Variants in SETBP1 observed in about 807,000 individuals in gnomAD.
SETBP1 encodes the protein SET-binding protein.
A neutral mutation model predicts 101.0 loss-of-function variants in SETBP1; 9 were observed. That is an observed-to-expected ratio of 0.09 (90% CI 0.05 to 0.16). SETBP1 has a LOEUF of 0.16. Ranked by LOEUF, SETBP1 falls within the 10% of genes least tolerant of loss-of-function variation. SETBP1 has a pLI of 1.00. For missense variants in SETBP1, 1,858 were observed against 2,033.8 expected, an observed-to-expected ratio of 0.91 and a Z score of 1.66; for synonymous variants, 818 against 788.5, an observed-to-expected ratio of 1.04 and a Z score of -0.63.
intron 2 of SETBP1, among the ~76,000 whole-genome samples, chr18:44,777,918 G>A (rs1021445067): frequency 2.6e-5 from 4 of 152,210 alleles, no homozygotes; most frequent in African/African-American, 9.6e-5. Flanking sequence ...GCAGAGACGG[G>A]GAGCCGCCTT....
intron 4 of SETBP1, among the ~76,000 whole-genome samples, chr18:44,967,086 C>G (rs1242228988): frequency 2.0e-5 from 3 of 152,204 alleles, no homozygotes; most frequent in Non-Finnish European, 4.4e-5. Context: ...CAATTACACT[C>G]TTACTGGGAT....
chr18:44,902,187 A>G (rs2070063492), intron 3 of SETBP1, among the ~76,000 whole-genome samples: 1 of 151,868 alleles, frequency 6.6e-6, no homozygotes, highest in Non-Finnish European at 1.5e-5. Context: ...TTTGAACAGC[A>G]CTGCCCTAGA....
chr18:44,754,935 T>G (rs17783663), intron 2 of SETBP1, among the ~76,000 whole-genome samples: 31,554 of 152,158 alleles, frequency 0.21, 3,416 homozygotes, highest in Non-Finnish European at 0.24. Flanking sequence ...TGGGAGAGAA[T>G]AATCAATAGG....
rs979037926 is a variant in SETBP1, at chr18:45,063,776, T to TC, written c.*83dup. 2.0e-6 allele frequency: 3 copies of TC among 1,468,062 alleles called. No individual in the cohort carries two copies. The highest frequency in any genetic ancestry group is 2.8e-6 in the Non-Finnish European group (3 of 1,083,050). 90.9% of individuals were successfully genotyped at this position (1,468,062 alleles called of 1,614,324 possible). On this transcript the variant is annotated 3_prime_UTR_variant, in exon 6 of 6. Transcript: ENST00000649279. ...GCAGTGAGCCGGGGCGGGGGCGGAATCCCCCGCTGCAGGGACACCCACGCC... is the reference window on the plus strand; with the variant it reads ...GCAGTGAGCCGGGGCGGGGGCGGAATCCCCCCGCTGCAGGGACACCCACGCC...
rs1568097077 is a variant in SETBP1, at chr18:44,701,299, T to TTTTCCCC, written c.-45_-39dup. 1 of 1,450,568 alleles carries TTTTCCCC rather than the reference T, an allele frequency of 6.9e-7. No individual in the cohort carries two copies. The highest frequency in any genetic ancestry group is 9.1e-7 in the Non-Finnish European group (1 of 1,099,102). 89.9% of individuals were successfully genotyped at this position (1,450,568 alleles called of 1,614,324 possible). On this transcript the variant is annotated 5_prime_UTR_variant, in exon 2 of 6. Coordinates refer to ENST00000649279, the MANE Select transcript of SETBP1 (RefSeq NM_015559.3). Reference sequence around the variant, plus strand: ...TCTTTTCTCACCTTTCCCTTTTCCCTTTTCCCCTTCCCCCTCCTGAGAACT... The same window carrying TTTTCCCC: ...TCTTTTCTCACCTTTCCCTTTTCCCTTTTCCCCTTTCCCCTTCCCCCTCCTGAGAACT...
At chr18:44,830,940 A>G (rs1464623529) in intron 2 of SETBP1, among the ~76,000 whole-genome samples, 1 of 152,210 alleles carries the variant, frequency 6.6e-6, no homozygotes, top group African/African-American at 2.4e-5. Context: ...GAGGGAGTGG[A>G]TCATTCCACA....
At chr18:45,027,652 A>G (rs1474933119) in intron 4 of SETBP1, among the ~76,000 whole-genome samples, 1 of 152,200 alleles carries the variant, frequency 6.6e-6, no homozygotes, top group African/African-American at 2.4e-5. Flanking sequence ...GTGTAGTGCT[A>G]AGAAGTAATC....
intron 3 of SETBP1, among the ~76,000 whole-genome samples, chr18:44,904,791 T>A (rs1380707104): frequency 6.6e-6 from 1 of 152,172 alleles, no homozygotes; most frequent in Admixed American, 6.5e-5. Flanking sequence ...ATCTGCTAGG[T>A]CTTATCTTCT....
At chr18:44,882,089 CA>C (rs1256117404) in intron 3 of SETBP1, among the ~76,000 whole-genome samples, 1 of 151,824 alleles carries the variant, frequency 6.6e-6, no homozygotes, top group Non-Finnish European at 1.5e-5. Context: ...GGTGGAATGT[CA>C]AACATACAGA....
In SETBP1 at chr18:44,952,786, A is replaced by G. The variant is rs561819039; in HGVS notation, c.3446A>G (p.Lys1149Arg). 2.5e-6 allele frequency: 4 copies of G among 1,613,988 alleles called. No homozygotes were observed. The African/African-American group carries it at 4.0e-5, about 16-fold the overall frequency. ...AGTCTGTCCAGTGGTCGGCTCCATA[A>G]GAGGAAACACAAACACAAGCATAAG... ...SASLSSGRLH[K>R]RKHKHKHKHK... is the part of the protein sequence containing the mutation. Residue 1149 changes from lysine to arginine, a missense_variant, in exon 4 of 6, where the codon AAG becomes AGG. Physicochemically the swap from Lys to Arg is conservative, Grantham distance 26. This residue lies in a region of SETBP1 where 417 missense variants were observed against 389.1 expected (regional missense o/e 1.07). Coordinates refer to ENST00000649279, the MANE Select transcript of SETBP1 (RefSeq NM_015559.3).
chr18:44,688,134 A>G (rs922335374), intron 1 of SETBP1, among the ~76,000 whole-genome samples: 1 of 152,232 alleles, frequency 6.6e-6, no homozygotes, highest in Non-Finnish European at 1.5e-5. Context: ...AAATGCTGCA[A>G]TTGCTTTTAA....
intron 2 of SETBP1, among the ~76,000 whole-genome samples, chr18:44,720,198 C>T (rs971467988): frequency 1.1e-4 from 16 of 152,180 alleles, no homozygotes; most frequent in African/African-American, 3.4e-4. Flanking sequence ...TGTGTTTCCT[C>T]ACCTGCCTCT....
In SETBP1 at chr18:44,950,609, C is replaced by G. The variant is rs896879741; in HGVS notation, c.1269C>G (p.Ser423=). The change falls in exon 4 of 6, where the codon TCC becomes TCG. Residue 423 remains serine (S), a synonymous_variant. Transcript: ENST00000649279. ...ACCATAAGAGGAAAAAAAGACAGTC[C>G]ATTAAAGCGGTGGTGGAAAAGATCA... ...PTNHKRKKRQ[S]IKAVVEKIMP... is the part of the protein sequence containing the mutation. 1 of 1,614,040 alleles carries G rather than the reference C, an allele frequency of 6.2e-7. No individual in the cohort carries two copies.
intron 4 of SETBP1, among the ~76,000 whole-genome samples, chr18:45,005,589 G>A (rs1309620373): frequency 6.6e-6 from 1 of 151,712 alleles, no homozygotes; most frequent in Non-Finnish European, 1.5e-5. Context: ...AGCCTTCAAA[G>A]GTACTCCAGG....
chr18:45,027,967 A>G (rs931409621), intron 4 of SETBP1, among the ~76,000 whole-genome samples: 2 of 152,074 alleles, frequency 1.3e-5, no homozygotes, highest in Admixed American at 6.6e-5. Flanking sequence ...GGACAGCAAC[A>G]TAGCATCTCT....
chr18:44,885,613 A>G (rs1351453140), intron 3 of SETBP1, among the ~76,000 whole-genome samples: 1 of 151,710 alleles, frequency 6.6e-6, no homozygotes, highest in African/African-American at 2.4e-5. Flanking sequence ...TGTGGCATTG[A>G]CTCCCATTTA....
At position 45,023,977 on chromosome 18, in the gene SETBP1, G is replaced by A. The variant is rs117698645; in HGVS notation, c.4001-14508G>A. 7.3e-4 allele frequency among the ~76,000 whole-genome samples: 111 copies of A among 152,296 alleles called. No homozygotes were observed. The East Asian group carries it at 0.019, about 26-fold the overall frequency. On this transcript the variant is annotated intron_variant, in intron 4 of 5. Transcript: ENST00000649279. Reference sequence around the variant, plus strand: ...AAAGCTGGGATTTAAACCAAGGACCGTCTGGCTCCAGGGGCATGGCCTTAT... The same window carrying A: ...AAAGCTGGGATTTAAACCAAGGACCATCTGGCTCCAGGGGCATGGCCTTAT...
At chr18:44,765,851 C>T (rs2070754883) in intron 2 of SETBP1, among the ~76,000 whole-genome samples, 2 of 152,224 alleles carry the variant, frequency 1.3e-5, no homozygotes, top group Admixed American at 6.5e-5. Flanking sequence ...ATGACAAGAA[C>T]TCAAGTTCCA....
intron 2 of SETBP1, among the ~76,000 whole-genome samples, chr18:44,736,883 C>T (rs1306762921): frequency 1.3e-5 from 2 of 152,190 alleles, no homozygotes; most frequent in African/African-American, 4.8e-5. Context: ...CTACTCTTAT[C>T]TCCATTGTGC....
Sources: allele counts gnomAD v4.1 joint callset (sites outside exome capture counted in the v4.1 genomes callset), GRCh38; gene constraint gnomAD v4.1.1; regional missense constraint gnomAD v4.1.1; transcripts MANE v1.5; gene names NCBI Gene and HGNC (gene_info 2026-07-23, HGNC 2026-07-21).